The following TTBK2 variants were observed in gnomAD, a reference collection of about 807,000 sequenced individuals.
TTBK2 encodes the protein tau-tubulin kinase 2.
Under a neutral mutation model 110.8 loss-of-function variants are expected in TTBK2, and 28 were observed. That is an observed-to-expected ratio of 0.25 (90% CI 0.19 to 0.35). The LOEUF (loss-of-function observed/expected upper bound fraction) is 0.35. TTBK2 is among the 10% of genes least tolerant of loss of function. TTBK2 has a pLI of 1.00. For missense variants in TTBK2, 1,369 were observed against 1,500.3 expected (o/e 0.91, Z 1.45); for synonymous variants, 532 against 527.3 (o/e 1.01, Z -0.12).
intron 13 of TTBK2, among the ~76,000 whole-genome samples, chr15:42,758,749 C>G (rs752844566): frequency 2.0e-5 from 3 of 151,790 alleles, no homozygotes; most frequent in Non-Finnish European, 4.4e-5. Flanking sequence ...GGGCTGGAGT[C>G]AGGAGGGACT....
At chr15:42,901,176 C>A (rs961430147) in intron 1 of TTBK2, among the ~76,000 whole-genome samples, 1 of 151,922 alleles carries the variant, frequency 6.6e-6, no homozygotes, top group Non-Finnish European at 1.5e-5. Flanking sequence ...GCCCGGCCAA[C>A]ATGGTGAAAC....
At chr15:42,805,666 C>T (rs1312318951) in intron 9 of TTBK2, among the ~76,000 whole-genome samples, 3 of 152,184 alleles carry the variant, frequency 2.0e-5, no homozygotes, top group Admixed American at 6.5e-5. Context: ...ATCTTGCCTC[C>T]TGGCCACAAG....
Position 42,752,725 on chromosome 15 carries a change from T to A in TTBK2, c.2521A>T (p.Asn841Tyr). The A allele has an allele frequency of 6.2e-7, 1 of 1,614,186 alleles. No homozygotes were observed. ...FSVVPNQDKN[N>Y]EIMKLLTVGT... ...ACTGTCAGAAGCTTCATTATCTCATTATTTTTGTCTTGATTTGGCACCACA... is the reference window on the plus strand; with the variant it reads ...ACTGTCAGAAGCTTCATTATCTCATAATTTTTGTCTTGATTTGGCACCACA... The change falls in exon 14 of 15, where the codon AAT becomes TAT. Residue 841 changes from asparagine (N) to tyrosine (Y), a missense_variant. Physicochemically the swap from Asn to Tyr is moderately radical, Grantham distance 143 (BLOSUM62 -2). Coordinates refer to ENST00000267890, the MANE Select transcript of TTBK2 (RefSeq NM_173500.4).
intron 10 of TTBK2, among the ~76,000 whole-genome samples, chr15:42,792,711 G>A (rs900874845): frequency 4.6e-5 from 7 of 152,122 alleles, no homozygotes; most frequent in African/African-American, 1.7e-4. Flanking sequence ...GGCAGGGGTA[G>A]GTGAGGCAAG....
At chr15:42,893,848 T>C (rs1232422093) in intron 1 of TTBK2, among the ~76,000 whole-genome samples, 1 of 152,118 alleles carries the variant, frequency 6.6e-6, no homozygotes, top group East Asian at 1.9e-4. Flanking sequence ...TGAACAACAT[T>C]ATACACAGAA....
intron 6 of TTBK2, among the ~76,000 whole-genome samples, chr15:42,824,281 T>C (rs1310620276): frequency 3.9e-5 from 6 of 152,170 alleles, no homozygotes; most frequent in African/African-American, 1.4e-4. Context: ...AATCTATACA[T>C]GTGATAAAAT....
At chr15:42,818,922 CAAAAAAA>C (rs563663271) in intron 6 of TTBK2, among the ~76,000 whole-genome samples, 2 of 119,692 alleles carry the variant, frequency 1.7e-5, no homozygotes, top group African/African-American at 6.1e-5. Context: ...GACTCCGTCT[CAAAAAAA>C]AAAAACAAAA....
At chr15:42,830,559 C>A (rs866965903) in intron 4 of TTBK2, among the ~76,000 whole-genome samples, 5 of 152,076 alleles carry the variant, frequency 3.3e-5, no homozygotes, top group Non-Finnish European at 2.9e-5. Context: ...ATGTTTCAGA[C>A]AAGTTTTAGA....
In TTBK2 at chr15:42,840,638, A is replaced by G. The variant is rs1213021572; in HGVS notation, c.218-205T>C. On this transcript the variant is annotated intron_variant, in intron 3 of 14. Transcript: ENST00000267890. ...ACTATTCCTTTGTGTGGTCAAATAA[A>G]TGACTATTTGAATGAATAAATAAAC... 8 of 658,960 alleles carry G rather than the reference A, an allele frequency of 1.2e-5. No individual in the cohort carries two copies. The East Asian group carries it at 2.3e-4, about 19-fold the overall frequency. The allele number at this position is 658,960 out of a possible 1,614,324, so 40.8% of individuals were successfully genotyped here.
At chr15:42,786,064 T>C (rs79823582) in intron 10 of TTBK2, among the ~76,000 whole-genome samples, 2,088 of 151,936 alleles carry the variant, frequency 0.014, 36 homozygotes, top group African/African-American at 0.048. Flanking sequence ...AGAATGAACC[T>C]CTTTATCAAC....
At chr15:42,761,199 C>T (rs57100350) in intron 13 of TTBK2, among the ~76,000 whole-genome samples, 24 of 152,236 alleles carry the variant, frequency 1.6e-4, no homozygotes, top group African/African-American at 5.8e-4. Context: ...GATTAAAGAC[C>T]TAAATGCAAG....
chr15:42,759,084 C>T (rs1288327762), intron 13 of TTBK2, among the ~76,000 whole-genome samples: 1 of 152,238 alleles, frequency 6.6e-6, no homozygotes, highest in East Asian at 1.9e-4. Context: ...TTCCCTCAAG[C>T]TCACACAGGT....
intron 9 of TTBK2, among the ~76,000 whole-genome samples, chr15:42,798,558 A>G (rs532650862): frequency 2.0e-5 from 3 of 152,362 alleles, no homozygotes; most frequent in Admixed American, 6.5e-5. Context: ...AGTATTTTAC[A>G]CAGAGGTATG....
chr15:42,868,760 G>A (rs1399169008), intron 3 of TTBK2, among the ~76,000 whole-genome samples: 1 of 151,868 alleles, frequency 6.6e-6, no homozygotes, highest in African/African-American at 2.4e-5. Context: ...TACTCTGGAG[G>A]CTGAGGCCAG....
rs1894923430 is a variant in TTBK2, at chr15:42,878,715, G to T, written c.-67-31C>A. The stretch of plus-strand genomic sequence containing the variant: ...ACAACAACAACAAAAAATAGTAGCA[G>T]TATTTAGGGTTAACTAATCAACACA... On this transcript the variant is annotated intron_variant, in intron 1 of 14. Transcript: ENST00000267890. The T allele has an allele frequency of 2.5e-6, 4 of 1,600,344 alleles. No homozygotes were observed. The East Asian group carries it at 6.7e-5, about 27-fold the overall frequency.
At chr15:42,897,279 G>A (rs561026626) in intron 1 of TTBK2, among the ~76,000 whole-genome samples, 3 of 152,260 alleles carry the variant, frequency 2.0e-5, no homozygotes, top group East Asian at 1.9e-4. Flanking sequence ...AAGACGTCCT[G>A]AGAGTTTGGG....
chr15:42,919,812 C>G, intron 1 of TTBK2: 4 of 985,406 alleles, frequency 4.1e-6, no homozygotes, highest in Non-Finnish European at 3.6e-6. Flanking sequence ...AATAAAGTAT[C>G]CTGGCATCCC....
chr15:42,895,898 C>T (rs1302567916), intron 1 of TTBK2, among the ~76,000 whole-genome samples: 1 of 152,074 alleles, frequency 6.6e-6, no homozygotes, highest in African/African-American at 2.4e-5. Flanking sequence ...CAAAACAAAA[C>T]CCCATACCCA....
intron 13 of TTBK2, among the ~76,000 whole-genome samples, chr15:42,759,342 C>G (rs1196213563): frequency 1.3e-5 from 2 of 152,242 alleles, no homozygotes; most frequent in African/African-American, 2.4e-5. Flanking sequence ...CTCAGGCCAG[C>G]TCCTGGCAGA....
Sources: gnomAD v4.1 joint callset for allele counts (sites outside exome capture counted in the v4.1 genomes callset) on GRCh38, gnomAD v4.1.1 for gene constraint, MANE v1.5 for transcripts, NCBI Gene and HGNC (gene_info 2026-07-23, HGNC 2026-07-21) for gene names.